Variants in CFAP20DC observed in about 807,000 individuals in gnomAD.
CFAP20DC encodes the protein protein CFAP20DC.
A neutral mutation model predicts 101.7 loss-of-function variants in CFAP20DC; 84 were observed. That is an observed-to-expected ratio of 0.83 (90% confidence interval 0.69 to 0.99). The LOEUF (loss-of-function observed/expected upper bound fraction) is 0.99, where lower values mean the gene tolerates loss of function less well. Ranked by LOEUF, CFAP20DC falls within the 50% of genes least tolerant of loss-of-function variation. CFAP20DC has a pLI of 0.00. For missense variants in CFAP20DC, 1,007 were observed against 970.3 expected (o/e 1.04, Z -0.50); for synonymous variants, 359 against 351.2 (o/e 1.02, Z -0.25).
chr3:58,762,284 T>C lies in CFAP20DC; in HGVS notation c.2238-8421A>G, dbSNP rs577067627. ...TCTTATTGAATTGATCCCTTTACCA[T>C]TATGTAATGGCCTTCTTTGTCTCTT... On this transcript the variant is annotated intron_variant, in intron 15 of 16. Transcript: ENST00000482387. 4.5e-3 allele frequency among the ~76,000 whole-genome samples: 683 copies of C among 152,336 alleles called. 5 individuals carry two copies. Among genetic ancestry groups the C allele is most frequent in the African/African-American group, 0.016 (646 of 41,566 alleles).
At chr3:58,746,123 CAGAA>C (rs1224489341) in intron 16 of CFAP20DC, among the ~76,000 whole-genome samples, 1 of 152,032 alleles carries the variant, frequency 6.6e-6, no homozygotes, top group Non-Finnish European at 1.5e-5. Flanking sequence ...TTGAAAGAAA[CAGAA>C]AGACCCCCAA....
chr3:58,863,600 G>GGT lies in CFAP20DC; in HGVS notation c.1549_1550dup (p.Gln518ProfsTer33), dbSNP rs1314388302. On this transcript the variant is annotated frameshift_variant, in exon 12 of 17. Coordinates refer to ENST00000482387, the MANE Select transcript of CFAP20DC (RefSeq NM_001394063.1). LOFTEE classifies it high-confidence loss of function. This position sits in a 1 kb window ranked among gnomAD's most constrained non-coding sequence, Gnocchi z 5.9. ...CGCCGTAAAAATCATCCTCTGATTG[G>GGT]GTGTCTCTGCTTGTCACACTGTTAT... The GGT allele has an allele frequency of 1.9e-6, 3 of 1,613,920 alleles. No individual in the cohort carries two copies. The African/African-American group carries it at 4.0e-5, about 22-fold the overall frequency.
rs751784989 is a variant in CFAP20DC, at chr3:58,884,630, T to C, written c.630A>G (p.Pro210=). The part of the protein sequence containing the change: ...PRSCQLMTDV[P]HVTQLLNMTK... ...TCATGTTTAGCAGCTGTGTGACATG[T>C]GGAACATCTGTCATTAGTTGACAGC... Residue 210 remains proline (P), a synonymous_variant, in exon 7 of 17, where the codon CCA becomes CCG. Transcript: ENST00000482387. 1.2e-6 allele frequency: 2 copies of C among 1,614,018 alleles called. No homozygotes were observed. The highest frequency in any genetic ancestry group is 2.2e-5 in the South Asian group (2 of 91,074).
intron 13 of CFAP20DC, among the ~76,000 whole-genome samples, chr3:58,832,815 C>A (rs1228265894): frequency 6.6e-6 from 1 of 152,118 alleles, no homozygotes; most frequent in Non-Finnish European, 1.5e-5. Flanking sequence ...CTTTCTTTCT[C>A]TCTGGCCTAA....
chr3:58,749,754 G>A (rs574819250), intron 16 of CFAP20DC, among the ~76,000 whole-genome samples: 1 of 152,260 alleles, frequency 6.6e-6, no homozygotes, highest in South Asian at 2.1e-4. Flanking sequence ...TAATTTAAGG[G>A]TCATAACTGT....
intron 13 of CFAP20DC, among the ~76,000 whole-genome samples, chr3:58,846,940 G>C (rs1337576889): frequency 3.1e-4 from 46 of 148,910 alleles, no homozygotes; most frequent in Non-Finnish European, 6.1e-4. Context: ...AATAAATGGT[G>C]CTGGGAAAAC....
chr3:58,885,936 T>C (rs1389080041), intron 6 of CFAP20DC, among the ~76,000 whole-genome samples: 3 of 152,168 alleles, frequency 2.0e-5, no homozygotes, highest in Admixed American at 1.3e-4. Flanking sequence ...CAGATGTCTC[T>C]CTGTAATTTT....
chr3:58,969,488 A>G (rs2091816636), intron 4 of CFAP20DC, among the ~76,000 whole-genome samples: 1 of 152,192 alleles, frequency 6.6e-6, no homozygotes, highest in Non-Finnish European at 1.5e-5. Context: ...AAGAGGATTG[A>G]AAACATATGT....
At chr3:59,048,328 C>CT (rs1433794778) in intron 1 of CFAP20DC, among the ~76,000 whole-genome samples, 2 of 152,194 alleles carry the variant, frequency 1.3e-5, no homozygotes, top group African/African-American at 4.8e-5. Context: ...CACACGATCA[C>CT]TTGGAGGTAA....
intron 4 of CFAP20DC, among the ~76,000 whole-genome samples, chr3:58,957,276 G>C (rs61137695): frequency 6.6e-6 from 1 of 152,154 alleles, no homozygotes; most frequent in East Asian, 1.9e-4. Flanking sequence ...CTGATCATCA[G>C]AGAAACGCAA....
chr3:58,891,965 G>A (rs2082293989), intron 6 of CFAP20DC, among the ~76,000 whole-genome samples: 1 of 152,154 alleles, frequency 6.6e-6, no homozygotes, highest in Admixed American at 6.5e-5. Flanking sequence ...TTAAGTTTTG[G>A]GTTTTACATT....
rs193236743 is a variant in CFAP20DC, at chr3:58,858,885, A to T, written c.1593+4673T>A. ...TGTATACTTCTGTTGTTGACTAAAG[A>T]GCACAGTTATTTGCACAAATTCAGC... On this transcript the variant is annotated intron_variant, in intron 12 of 16. Coordinates refer to ENST00000482387, the MANE Select transcript of CFAP20DC (RefSeq NM_001394063.1). Among the ~76,000 whole-genome samples the T allele has an allele frequency of 7.0e-4, 106 of 152,334 alleles. 1 individual carries two copies. In the East Asian group the frequency reaches 0.02, roughly 29 times the overall value.
chr3:59,039,019 CA>C (rs1412089533), intron 4 of CFAP20DC, among the ~76,000 whole-genome samples: 2 of 151,988 alleles, frequency 1.3e-5, no homozygotes, highest in Non-Finnish European at 2.9e-5. Context: ...TTTTCATTCT[CA>C]ATAACATCTC....
chr3:59,019,722 G>A (rs897092582), intron 4 of CFAP20DC, among the ~76,000 whole-genome samples: 1 of 152,062 alleles, frequency 6.6e-6, no homozygotes, highest in African/African-American at 2.4e-5. Context: ...AGGATGTCAT[G>A]TATTTGCTTT....
In CFAP20DC at chr3:58,899,466, A is replaced by G. The variant is rs2082955715; in HGVS notation, c.550+14242T>C. 6.6e-6 allele frequency among the ~76,000 whole-genome samples: 1 copy of G among 152,192 alleles called. No individual in the cohort carries two copies. Among genetic ancestry groups the G allele is most frequent in the African/African-American group, 2.4e-5 (1 of 41,464 alleles). On this transcript the variant is annotated intron_variant, in intron 6 of 16. Transcript: ENST00000482387. This position sits in a 1 kb window ranked among gnomAD's most constrained non-coding sequence, Gnocchi z 5.0. ...ACATGCTGCTTGGCTTCCGGGATTCAGTTCCCTTCCTAGGGATGGATCTCC... is the reference window on the plus strand; with the variant it reads ...ACATGCTGCTTGGCTTCCGGGATTCGGTTCCCTTCCTAGGGATGGATCTCC...
intron 14 of CFAP20DC, among the ~76,000 whole-genome samples, chr3:58,816,445 G>C (rs541125306): frequency 4.6e-5 from 7 of 152,180 alleles, no homozygotes; most frequent in Admixed American, 4.6e-4. Context: ...CACCGTGCGC[G>C]AGCCGAAGCA....
intron 13 of CFAP20DC, among the ~76,000 whole-genome samples, chr3:58,842,320 A>G (rs1409634420): frequency 1.3e-5 from 2 of 152,292 alleles, no homozygotes; most frequent in African/African-American, 4.8e-5. Flanking sequence ...ACCGTGCGCG[A>G]GCTGAAGCAG....
intron 14 of CFAP20DC, among the ~76,000 whole-genome samples, chr3:58,827,180 G>T (rs2076096182): frequency 6.6e-6 from 1 of 152,012 alleles, no homozygotes; most frequent in Admixed American, 6.6e-5. Context: ...TGATAATAGG[G>T]TTCGTCTCAA....
intron 13 of CFAP20DC, among the ~76,000 whole-genome samples, chr3:58,843,269 A>C (rs1225668794): frequency 1.3e-5 from 2 of 151,932 alleles, no homozygotes; most frequent in East Asian, 3.9e-4. Context: ...CTTTGAAAAA[A>C]ATTTAGAAGA....
Sources: gnomAD v4.1 joint callset for allele counts (sites outside exome capture counted in the v4.1 genomes callset) on GRCh38, gnomAD v4.1.1 for gene constraint, Gnocchi (gnomAD v3.1) non-coding constraint, MANE v1.5 for transcripts, NCBI Gene and HGNC (gene_info 2026-07-23, HGNC 2026-07-21) for gene names.